Variants in WNT3 observed in about 807,000 individuals in gnomAD.
WNT3 encodes the protein proto-oncogene Wnt-3.
WNT3 carries 7 observed loss-of-function variants against 34.2 expected under a neutral mutation model. The ratio of observed to expected loss-of-function variants is 0.20; its 90% CI spans 0.12 to 0.38. The LOEUF is 0.38. WNT3 is among the 10% of genes least tolerant of loss of function. The pLI is 1.00. For synonymous variants in WNT3, 212 were observed against 211.5 expected (o/e 1.00, Z -0.02); for missense variants, 267 against 499.8 (o/e 0.53, Z 4.44).
At chr17:46,772,348 G>A (rs2059381614) in intron 2 of WNT3, among the ~76,000 whole-genome samples, 1 of 152,236 alleles carries the variant, frequency 6.6e-6, no homozygotes, top group Admixed American at 6.5e-5. Context: ...TCAACGCGGA[G>A]TGAATGGGTA....
chr17:46,791,851 G>A (rs2083991637), intron 1 of WNT3, among the ~76,000 whole-genome samples: 1 of 152,184 alleles, frequency 6.6e-6, no homozygotes, highest in African/African-American at 2.4e-5. Flanking sequence ...ATCAGCCTGG[G>A]CAACACAGCG....
intron 1 of WNT3, 115 bp from the exon 2 acceptor site, chr17:46,774,024 C>CT: frequency 7.0e-7 from 1 of 1,438,624 alleles, no homozygotes; most frequent in Non-Finnish European, 9.4e-7. Context: ...GGGCCTGTGC[C>CT]CTGGCACCTG....
intron 1 of WNT3, among the ~76,000 whole-genome samples, chr17:46,798,924 T>C (rs2084088687): frequency 6.6e-6 from 1 of 151,944 alleles, no homozygotes; most frequent in East Asian, 1.9e-4. Flanking sequence ...GGTGCGTGCC[T>C]GTAGTCCCAG....
chr17:46,771,693 C>T (rs1207252791), intron 2 of WNT3, among the ~76,000 whole-genome samples: 1 of 143,716 alleles, frequency 7.0e-6, no homozygotes, highest in Non-Finnish European at 1.5e-5. Flanking sequence ...GCGGCTCCCG[C>T]GGCCGGGCCG....
In WNT3 at chr17:46,762,636, TAATA is replaced by T. The variant is rs1260180657; in HGVS notation, c.*1990_*1993del. The stretch of plus-strand genomic sequence containing the variant: ...TTAACTCAAAGGTATATACATTGTA[TAATA>T]AATAATATTTATAAAAAGAGACTTT... On this transcript the variant is annotated 3_prime_UTR_variant, in exon 5 of 5. Transcript: ENST00000225512. 3 of 151,296 alleles carry T rather than the reference TAATA, an allele frequency of 2.0e-5. No individual in the cohort carries two copies. The allele number at this position is 151,296 out of a possible 1,614,324, so 9.4% of individuals were successfully genotyped here.
At chr17:46,795,159 G>A (rs1224102514) in intron 1 of WNT3, among the ~76,000 whole-genome samples, 1 of 152,094 alleles carries the variant, frequency 6.6e-6, no homozygotes, top group East Asian at 1.9e-4. Flanking sequence ...CGGGTGCTGA[G>A]GGAATTGTTC....
At chr17:46,817,220 C>T (rs1214005498) in intron 1 of WNT3, among the ~76,000 whole-genome samples, 3 of 152,202 alleles carry the variant, frequency 2.0e-5, no homozygotes, top group Non-Finnish European at 2.9e-5. Flanking sequence ...GCTGTCTCTG[C>T]TCCTCCTACC....
intron 1 of WNT3, among the ~76,000 whole-genome samples, chr17:46,779,981 A>G (rs1244336647): frequency 2.0e-5 from 3 of 151,934 alleles, no homozygotes; most frequent in Non-Finnish European, 4.4e-5. Flanking sequence ...CTGGTCTGGA[A>G]CTCCTGACCA....
rs757213194 is a variant in WNT3 at position 46,769,792 on chromosome 17, C to T, written c.579G>A (p.Ala193=). Reference sequence around the variant, plus strand: ...GGGTAGCCGGGCTCACCGTGCGGCCCGCCTCGTTGTTGTGCTTGTTCATGG... The same window carrying T: ...GGGTAGCCGGGCTCACCGTGCGGCCTGCCTCGTTGTTGTGCTTGTTCATGG... ...RSAMNKHNNE[A]GRTTILDHMH... is the part of the protein sequence containing the mutation. The change falls in exon 3 of 5, where the codon GCG becomes GCA. Residue 193 remains alanine, a synonymous_variant. Coordinates refer to ENST00000225512, the MANE Select transcript of WNT3 (RefSeq NM_030753.5). The T allele has an allele frequency of 3.7e-6, 6 of 1,611,384 alleles. No homozygotes were observed. Among genetic ancestry groups the T allele is most frequent in the South Asian group, 1.1e-5 (1 of 91,068 alleles).
rs1598748698 is a variant in WNT3 at position 46,763,225 on chromosome 17, T to G, written c.*1405A>C. 6.6e-6 allele frequency: 1 copy of G among 152,338 alleles called. No individual in the cohort carries two copies. The allele number at this position is 152,338 out of a possible 1,614,324, so 9.4% of individuals were successfully genotyped here. A position where few individuals can be genotyped will look rare whatever the true frequency, so the allele number is the denominator to read the frequency against. ...TCATTCCCCTGCTGCATCTCTTCTTTCTGATTCTCCCTAAGACAGTTGTTG... is the reference window on the plus strand; with the variant it reads ...TCATTCCCCTGCTGCATCTCTTCTTGCTGATTCTCCCTAAGACAGTTGTTG... On this transcript the variant is annotated 3_prime_UTR_variant, in exon 5 of 5. Coordinates refer to ENST00000225512, the MANE Select transcript of WNT3 (RefSeq NM_030753.5).
intron 2 of WNT3, among the ~76,000 whole-genome samples, chr17:46,772,210 C>T (rs867156433): frequency 6.6e-6 from 1 of 152,234 alleles, no homozygotes; most frequent in South Asian, 2.1e-4. Flanking sequence ...GGATGCTCTC[C>T]TCGCCGCCGC....
At chr17:46,773,996 G>A (rs553257791) in intron 1 of WNT3, 87 bp from the exon 2 acceptor site, 1 of 1,535,232 alleles carries the variant, frequency 6.5e-7, no homozygotes, top group African/African-American at 1.4e-5. Context: ...AACCCTCCGG[G>A]GTAGGTGGAG....
chr17:46,814,562 G>A (rs140485884), intron 1 of WNT3, among the ~76,000 whole-genome samples: 3 of 152,188 alleles, frequency 2.0e-5, no homozygotes, highest in African/African-American at 4.8e-5. Context: ...CTGGCCATCC[G>A]ATCTGGTATC....
intron 1 of WNT3, among the ~76,000 whole-genome samples, chr17:46,806,400 G>T (rs533431125): frequency 6.6e-6 from 1 of 151,796 alleles, no homozygotes; most frequent in Non-Finnish European, 1.5e-5. Flanking sequence ...GTAGAGTTGG[G>T]GTTTATCCAT....
intron 1 of WNT3, among the ~76,000 whole-genome samples, chr17:46,780,293 A>G (rs1167850655): frequency 6.6e-6 from 1 of 152,044 alleles, no homozygotes; most frequent in Non-Finnish European, 1.5e-5. Context: ...TGCTGCCAGC[A>G]CCCACTCCCC....
At chr17:46,791,348 C>T (rs777942626) in intron 1 of WNT3, among the ~76,000 whole-genome samples, 2 of 152,046 alleles carry the variant, frequency 1.3e-5, no homozygotes, top group Admixed American at 6.6e-5. Context: ...GGATTACAGA[C>T]GAGGACCACC....
At position 46,818,182 on chromosome 17, in the gene WNT3, G is replaced by A. The variant is rs2084377530; in HGVS notation, c.80+336C>T. On this transcript the variant is annotated intron_variant, in intron 1 of 4. Coordinates refer to ENST00000225512, the MANE Select transcript of WNT3 (RefSeq NM_030753.5). ...CCCCAGGGACAGTGCTGGATTTCCA[G>A]AAACCCAACTGCAAGCAAATGGGGG... Among the ~76,000 whole-genome samples the A allele has an allele frequency of 2.0e-5, 3 of 152,072 alleles. No homozygotes were observed. In the South Asian group the frequency reaches 6.2e-4, roughly 32 times the overall value.
At chr17:46,772,965 G>C (rs1432569835) in intron 2 of WNT3, among the ~76,000 whole-genome samples, 2 of 152,106 alleles carry the variant, frequency 1.3e-5, no homozygotes, top group Non-Finnish European at 2.9e-5. Context: ...GTTCCACAAA[G>C]AGCTGCCCAT....
At chr17:46,802,801 C>T (rs547648294) in intron 1 of WNT3, among the ~76,000 whole-genome samples, 1 of 152,352 alleles carries the variant, frequency 6.6e-6, no homozygotes, top group East Asian at 1.9e-4. Flanking sequence ...CTCAGTGCAG[C>T]TTCTCCCATA....
Sources: allele counts gnomAD v4.1 joint callset (sites outside exome capture counted in the v4.1 genomes callset), GRCh38; gene constraint gnomAD v4.1.1; transcripts MANE v1.5; gene names NCBI Gene and HGNC (gene_info 2026-07-23, HGNC 2026-07-21).